Variants in BLTP1 observed in about 807,000 individuals in gnomAD.
The protein encoded by BLTP1 is bridge-like lipid transfer protein family member 1, also known as fragile site-associated protein.
chr4:122,194,113 C>T, the BLTP1 span, among the ~76,000 whole-genome samples: 2 of 152,268 alleles, frequency 1.3e-5, no homozygotes, highest in East Asian at 1.9e-4. Flanking sequence ...CCGCCCGCTT[C>T]GGCCTCTCAA....
chr4:122,217,739 T>G, the BLTP1 span, among the ~76,000 whole-genome samples: 3 of 152,202 alleles, frequency 2.0e-5, no homozygotes, highest in South Asian at 6.2e-4. Context: ...AAGAATGATT[T>G]AGGGAGGACT....
the BLTP1 span, among the ~76,000 whole-genome samples, chr4:122,337,409 C>T: frequency 6.6e-6 from 1 of 151,990 alleles, no homozygotes; most frequent in African/African-American, 2.4e-5. Flanking sequence ...TTGAATATCT[C>T]ATGTAATTTA....
At chr4:122,316,483 A>G in the BLTP1 span, 4 of 507,480 alleles carry the variant, frequency 7.9e-6, no homozygotes, top group Non-Finnish European at 1.6e-5. Context: ...TGACCCAGAG[A>G]TGTGGGGCTC....
chr4:122,285,665 A>T, the BLTP1 span, among the ~76,000 whole-genome samples: 1 of 152,228 alleles, frequency 6.6e-6, no homozygotes, highest in Non-Finnish European at 1.5e-5. Context: ...AGTTGAGAGC[A>T]GTAGGGATAT....
At chr4:122,235,240 ATCT>A in the BLTP1 span, 14 of 578,272 alleles carry the variant, frequency 2.4e-5, no homozygotes, top group Non-Finnish European at 3.1e-5. Flanking sequence ...TGCTATTCAG[ATCT>A]TCTGTTGACG....
chr4:122,288,994 A>C, the BLTP1 span: 4 of 1,321,310 alleles, frequency 3.0e-6, no homozygotes, highest in Non-Finnish European at 4.1e-6. Context: ...AGAGATAATT[A>C]TCTCTTTTTT....
the BLTP1 span, among the ~76,000 whole-genome samples, chr4:122,340,049 GAA>G: frequency 2.6e-5 from 4 of 151,908 alleles, no homozygotes; most frequent in African/African-American, 9.7e-5. Context: ...GAATACCTCT[GAA>G]AAAAAGAGAC....
the BLTP1 span, among the ~76,000 whole-genome samples, chr4:122,261,111 G>T: frequency 6.6e-6 from 1 of 152,134 alleles, no homozygotes; most frequent in Non-Finnish European, 1.5e-5. Context: ...ATAGTCTCTT[G>T]GGCTTTCAAA....
the BLTP1 span, chr4:122,346,048 A>G: frequency 5.1e-6 from 5 of 982,898 alleles, no homozygotes; most frequent in Non-Finnish European, 6.0e-6. Context: ...CTATGTAGGT[A>G]TGGGCTCAGA....
the BLTP1 span, chr4:122,220,343 CT>C: frequency 6.2e-7 from 1 of 1,613,074 alleles, no homozygotes; most frequent in Non-Finnish European, 8.5e-7. Flanking sequence ...CATGGAACTA[CT>C]GATGGTCCTG....
At chr4:122,258,884 C>G in the BLTP1 span, 1 of 1,258,198 alleles carries the variant, frequency 7.9e-7, no homozygotes, top group East Asian at 2.6e-5. Context: ...TCCAGACTTA[C>G]AGAGAAAACC....
the BLTP1 span, chr4:122,162,558 G>A: frequency 2.0e-6 from 2 of 985,288 alleles, no homozygotes; most frequent in Admixed American, 6.1e-5. Flanking sequence ...CTGAGATGGG[G>A]TGGAGTTGGG....
chr4:122,264,729 C>T, the BLTP1 span, among the ~76,000 whole-genome samples: 3 of 152,240 alleles, frequency 2.0e-5, no homozygotes, highest in South Asian at 2.1e-4. Context: ...TTTAGTGCTA[C>T]GTTAAGACTT....
the BLTP1 span, chr4:122,234,979 C>CT: frequency 6.2e-7 from 1 of 1,607,962 alleles, no homozygotes; most frequent in Non-Finnish European, 8.5e-7. Flanking sequence ...CTGCTACAGC[C>CT]TGGAGAATGG....
chr4:122,354,087 G>A, the BLTP1 span: 1 of 1,323,158 alleles, frequency 7.6e-7, no homozygotes, highest in South Asian at 1.3e-5. Context: ...ACTGTGTTTA[G>A]AATTTAAATG....
At chr4:122,212,959 A>G in the BLTP1 span, among the ~76,000 whole-genome samples, 1 of 152,318 alleles carries the variant, frequency 6.6e-6, no homozygotes, top group South Asian at 2.1e-4. Flanking sequence ...CATGACAGGT[A>G]AAAACTTTGT....
chr4:122,173,166 A>G, the BLTP1 span: 1 of 1,601,110 alleles, frequency 6.2e-7, no homozygotes, highest in South Asian at 1.1e-5. Context: ...AGTTTGAGTT[A>G]ACACTGAATT....
At chr4:122,185,562 A>G in the BLTP1 span, 4 of 447,434 alleles carry the variant, frequency 8.9e-6, no homozygotes, top group Non-Finnish European at 1.2e-5. Context: ...CATAAAACCT[A>G]TGTTTTAGTG....
the BLTP1 span, chr4:122,246,816 A>G: frequency 1.9e-4 from 301 of 1,611,776 alleles, 1 homozygote; most frequent in Non-Finnish European, 1.4e-5. Flanking sequence ...AACAGGTAAG[A>G]AATACTTTAT....
Sources: gnomAD v4.1 joint callset for allele counts (sites outside exome capture counted in the v4.1 genomes callset) on GRCh38, gnomAD v4.1.1 for gene constraint, MANE v1.5 for transcripts, NCBI Gene and HGNC (gene_info 2026-07-23, HGNC 2026-07-21) for gene names.